NCKAP5: variants seen among roughly 807,000 people sequenced by gnomAD.
NCKAP5 encodes the protein nck-associated protein 5.
In NCKAP5, 92 loss-of-function variants were observed where a neutral mutation model predicts 167.0. The ratio of observed to expected loss-of-function variants is 0.55; its 90% CI spans 0.47 to 0.66. NCKAP5 has a LOEUF of 0.66. Ranked by LOEUF, NCKAP5 falls within the 30% of genes least tolerant of loss-of-function variation. NCKAP5 has a pLI of 0.00. For missense variants in NCKAP5, 2,378 were observed against 2,315.0 expected (o/e 1.03, Z -0.56); for synonymous variants, 891 against 877.4 (o/e 1.02, Z -0.27).
intron 5 of NCKAP5, among the ~76,000 whole-genome samples, chr2:133,131,050 G>A (rs1445838672): frequency 6.6e-6 from 1 of 152,186 alleles, no homozygotes; most frequent in Non-Finnish European, 1.5e-5. Flanking sequence ...CAAACACTAT[G>A]ACTGTGTACC....
chr2:132,809,753 T>C (rs1685715322), intron 11 of NCKAP5, among the ~76,000 whole-genome samples: 1 of 152,348 alleles, frequency 6.6e-6, no homozygotes, highest in African/African-American at 2.4e-5. Context: ...ATTTAGGCCA[T>C]TTACATTGAA....
chr2:133,520,907 A>G (rs781754985), intron 2 of NCKAP5, among the ~76,000 whole-genome samples: 2 of 152,232 alleles, frequency 1.3e-5, no homozygotes, highest in African/African-American at 2.4e-5. Context: ...AGAGCAGTGT[A>G]TCCTAGCCAA....
intron 6 of NCKAP5, among the ~76,000 whole-genome samples, chr2:133,104,337 G>A (rs1249493353): frequency 6.6e-6 from 1 of 152,138 alleles, no homozygotes; most frequent in Non-Finnish European, 1.5e-5. Context: ...CTCCATCAGT[G>A]AACAGAAAAC....
At chr2:133,160,643 C>A (rs2083759061) in intron 5 of NCKAP5, among the ~76,000 whole-genome samples, 1 of 151,914 alleles carries the variant, frequency 6.6e-6, no homozygotes, top group South Asian at 2.1e-4. Context: ...CAACTCTGAC[C>A]AGCATCGAAA....
chr2:133,247,743 A>T (rs768299853), intron 4 of NCKAP5, among the ~76,000 whole-genome samples: 1 of 152,106 alleles, frequency 6.6e-6, no homozygotes, highest in Non-Finnish European at 1.5e-5. Context: ...TCAAGTGTAC[A>T]CTCACTTCCT....
chr2:133,002,544 T>C (rs1176272386), intron 6 of NCKAP5, among the ~76,000 whole-genome samples: 2 of 152,192 alleles, frequency 1.3e-5, no homozygotes, highest in South Asian at 2.1e-4. Flanking sequence ...TTGTGCATTA[T>C]AACAACTGTT....
chr2:132,833,089 T>C (rs1396263265), intron 11 of NCKAP5, among the ~76,000 whole-genome samples: 1 of 152,166 alleles, frequency 6.6e-6, no homozygotes, highest in Non-Finnish European at 1.5e-5. Context: ...TGATATCTCA[T>C]TGTAGTTTTA....
chr2:133,572,417 G>C (rs1345037293), upstream of NCKAP5, among the ~76,000 whole-genome samples: 1 of 152,184 alleles, frequency 6.6e-6, no homozygotes, highest in African/African-American at 2.4e-5. Context: ...ATAAGTCATA[G>C]GCATGAAAGA....
At chr2:133,079,301 A>G (rs2080723845) in intron 6 of NCKAP5, among the ~76,000 whole-genome samples, 1 of 152,154 alleles carries the variant, frequency 6.6e-6, no homozygotes, top group Admixed American at 6.5e-5. Context: ...AGCAAAGGGG[A>G]CTTGGAGATT....
intron 3 of NCKAP5, among the ~76,000 whole-genome samples, chr2:133,341,727 T>A (rs1468192287): frequency 6.6e-6 from 1 of 152,218 alleles, no homozygotes; most frequent in African/African-American, 2.4e-5. Flanking sequence ...TCCATCTTTG[T>A]ACCCGTATCT....
chr2:133,470,598 C>A (rs1432174668), intron 3 of NCKAP5, among the ~76,000 whole-genome samples: 1 of 152,226 alleles, frequency 6.6e-6, no homozygotes, highest in Non-Finnish European at 1.5e-5. Context: ...TGGCGGGTGC[C>A]CCTCCCCCAG....
chr2:132,677,558 A>G (rs1262631938), intron 19 of NCKAP5, among the ~76,000 whole-genome samples: 8 of 152,068 alleles, frequency 5.3e-5, no homozygotes, highest in Non-Finnish European at 1.2e-4. Flanking sequence ...TTGAAGGGCA[A>G]ATAGGATTGA....
intron 4 of NCKAP5, among the ~76,000 whole-genome samples, chr2:133,294,698 A>G (rs1394984378): frequency 1.3e-5 from 2 of 152,180 alleles, no homozygotes; most frequent in Admixed American, 1.3e-4. Flanking sequence ...TTCAATGTTC[A>G]CTCTACTTAG....
At chr2:133,571,849 TG>T (rs1688878139), upstream of NCKAP5, among the ~76,000 whole-genome samples, 1 of 152,126 alleles carries the variant, frequency 6.6e-6, no homozygotes, top group Non-Finnish European at 1.5e-5. Context: ...CATTTCTATG[TG>T]CCATTGGCTT....
intron 16 of NCKAP5, among the ~76,000 whole-genome samples, chr2:132,765,424 C>T (rs937288179): frequency 1.3e-5 from 2 of 150,548 alleles, no homozygotes; most frequent in African/African-American, 4.9e-5. Flanking sequence ...AAGTGATTCT[C>T]CTGTCTCAGC....
intron 4 of NCKAP5, among the ~76,000 whole-genome samples, chr2:133,281,985 A>G (rs578040073): frequency 9.2e-5 from 14 of 152,150 alleles, no homozygotes; most frequent in Non-Finnish European, 2.1e-4. Flanking sequence ...CCATGACCCC[A>G]TCCATCCTCA....
At chr2:133,041,233 A>G (rs2079209153) in intron 6 of NCKAP5, among the ~76,000 whole-genome samples, 1 of 152,158 alleles carries the variant, frequency 6.6e-6, no homozygotes, top group African/African-American at 2.4e-5. Context: ...AAACTCTGTT[A>G]AAGTATAAGG....
At chr2:132,886,950 A>C (rs1405792195) in intron 8 of NCKAP5, among the ~76,000 whole-genome samples, 1 of 152,196 alleles carries the variant, frequency 6.6e-6, no homozygotes, top group South Asian at 2.1e-4. Flanking sequence ...AATATTTCAA[A>C]ATCTGAAAAA....
At chr2:133,213,600 T>C in intron 5 of NCKAP5, 116 bp downstream of exon 5, 1 of 961,610 alleles carries the variant, frequency 1.0e-6, no homozygotes, top group Non-Finnish European at 1.6e-6. Context: ...TGCCAAAATA[T>C]CATTAAGTTT....
Sources: allele counts gnomAD v4.1 joint callset (sites outside exome capture counted in the v4.1 genomes callset), GRCh38; gene constraint gnomAD v4.1.1; transcripts MANE v1.5; gene names NCBI Gene and HGNC (gene_info 2026-07-23, HGNC 2026-07-21).